The following SND1 variants were observed in gnomAD, a reference collection of about 807,000 sequenced individuals.
SND1 encodes the protein staphylococcal nuclease and tudor domain containing 1.
Under a neutral mutation model 121.7 loss-of-function variants are expected in SND1, and 38 were observed. The ratio of observed to expected loss-of-function variants is 0.31; its 90% confidence interval spans 0.24 to 0.41. SND1 has a LOEUF of 0.41. SND1 is among the 10% of genes least tolerant of loss of function. SND1 has a pLI of 1.00. For missense variants in SND1, 868 were observed against 1,184.6 expected (o/e 0.73, Z 3.92); for synonymous variants, 401 against 447.4 (o/e 0.90, Z 1.31).
chr7:127,896,205 A>G (rs1008817877), intron 13 of SND1, among the ~76,000 whole-genome samples: 1 of 151,880 alleles, frequency 6.6e-6, no homozygotes, highest in Non-Finnish European at 1.5e-5. Context: ...AGCTATGACC[A>G]CTTATCTGTC....
chr7:127,798,498 A>G (rs1394151567), intron 10 of SND1, among the ~76,000 whole-genome samples: 3 of 152,200 alleles, frequency 2.0e-5, no homozygotes, highest in African/African-American at 7.2e-5. Context: ...TGTCACTGTT[A>G]CTACAATGTT....
chr7:127,864,215 C>A (rs900980440), intron 12 of SND1, among the ~76,000 whole-genome samples: 2 of 116,214 alleles, frequency 1.7e-5, no homozygotes, highest in Non-Finnish European at 1.6e-5. Flanking sequence ...TCTTTATATG[C>A]AAGCATGTTT....
chr7:127,680,203 C>T (rs1795693466), intron 1 of SND1, among the ~76,000 whole-genome samples: 1 of 152,042 alleles, frequency 6.6e-6, no homozygotes, highest in Admixed American at 6.6e-5. Flanking sequence ...ACGTACTTCA[C>T]AAGGTAATAG....
chr7:127,746,373 C>G (rs1183852809), intron 10 of SND1, among the ~76,000 whole-genome samples: 1 of 152,170 alleles, frequency 6.6e-6, no homozygotes, highest in African/African-American at 2.4e-5. Flanking sequence ...CCCGCTACAC[C>G]AGCATTTTCA....
At chr7:127,661,936 CA>C (rs1296101273) in intron 1 of SND1, among the ~76,000 whole-genome samples, 1 of 151,778 alleles carries the variant, frequency 6.6e-6, no homozygotes, top group African/African-American at 2.4e-5. Context: ...GCCAACATGG[CA>C]AAACCCCATC....
chr7:127,734,250 G>A (rs1008338198), intron 10 of SND1, among the ~76,000 whole-genome samples: 2 of 152,108 alleles, frequency 1.3e-5, no homozygotes, highest in African/African-American at 2.4e-5. Context: ...GAGGATTCCA[G>A]TGAAAGGAGA....
Position 127,721,303 on chromosome 7 carries a change from A to T in SND1, c.1055A>T (p.Asn352Ile). The change falls in exon 10 of 24, where the codon AAT (asparagine) becomes ATT (isoleucine). Residue 352 changes from asparagine to isoleucine, a missense_variant. By Grantham distance (149) the Asn-to-Ile change is moderately radical. This residue lies in a region of SND1 where 743 missense variants were observed against 1,071.3 expected (regional missense o/e 0.69). Transcript: ENST00000354725. ...TGCTCACAGGTGATGCAGGTTCTGAATGCTGATGCCATTGTTGTGAAGCTG... is the reference window on the plus strand; with the variant it reads ...TGCTCACAGGTGATGCAGGTTCTGATTGCTGATGCCATTGTTGTGAAGCTG... ...QFVAKVMQVL[N>I]ADAIVVKLNS... 2 of 1,613,620 alleles carry T rather than the reference A, an allele frequency of 1.2e-6. No individual in the cohort carries two copies. Among genetic ancestry groups the T allele is most frequent in the Non-Finnish European group, 1.7e-6 (2 of 1,179,686 alleles).
At position 127,853,213 on chromosome 7, in the gene SND1, G is replaced by C. The variant is rs77299768; in HGVS notation, c.1343+8789G>C. ...ATTTTCCAGGATTATTTTGCAAGTGGGGGCTCGGGGTTGACTGGGATGTGC... is the reference window on the plus strand; with the variant it reads ...ATTTTCCAGGATTATTTTGCAAGTGCGGGCTCGGGGTTGACTGGGATGTGC... On this transcript the variant is annotated intron_variant, in intron 12 of 23. Transcript: ENST00000354725. Among the ~76,000 whole-genome samples, 3 of 152,262 alleles carry C rather than the reference G, an allele frequency of 2.0e-5. No individual in the cohort carries two copies. In the East Asian group the frequency reaches 5.8e-4, roughly 29 times the overall value.
At chr7:127,814,954 C>T (rs932821658) in intron 11 of SND1, among the ~76,000 whole-genome samples, 2 of 152,120 alleles carry the variant, frequency 1.3e-5, no homozygotes, top group African/African-American at 4.8e-5. Context: ...AAATGAGCCC[C>T]TTGTTTTAAT....
At chr7:128,030,417 G>A in intron 16 of SND1, 1 of 1,613,858 alleles carries the variant, frequency 6.2e-7, no homozygotes, top group Non-Finnish European at 8.5e-7. Context: ...CCGGGTGTTC[G>A]AGGGAATACC....
intron 2 of SND1, among the ~76,000 whole-genome samples, chr7:127,692,008 G>C (rs1795926913): frequency 6.6e-6 from 1 of 152,148 alleles, no homozygotes. Context: ...CATTGGAGCT[G>C]TTGAGGACTG....
chr7:127,738,286 C>CTTTTTTTTTTTTT (rs889082580), intron 10 of SND1, among the ~76,000 whole-genome samples: 1 of 122,658 alleles, frequency 8.2e-6, no homozygotes, highest in African/African-American at 3.1e-5. Context: ...TTTTTTTTTT[C>CTTTTTTTTTTTTT]TTTTTTTTTT....
At chr7:127,652,627 C>A (rs1795142115) in intron 1 of SND1, among the ~76,000 whole-genome samples, 176 bp downstream of exon 1, 1 of 152,208 alleles carries the variant, frequency 6.6e-6, no homozygotes, top group South Asian at 2.1e-4. Flanking sequence ...ACGGAGTCCC[C>A]TTGTTCCTTG....
rs1194829056 is a variant in SND1, at chr7:127,904,929, G to C, written c.1527+110G>C. 4.2e-6 allele frequency: 3 copies of C among 709,084 alleles called. No individual in the cohort carries two copies. The East Asian group carries it at 7.8e-5, about 18-fold the overall frequency. 43.9% of individuals were successfully genotyped at this position (709,084 alleles called of 1,614,324 possible). On this transcript the variant is annotated intron_variant, in intron 14 of 23. Transcript: ENST00000354725. ...ATTTTCTCTAGCTCGCTCCTTTTCAGGCACTGACTGTGACTTTTCCCCACC... is the reference window on the plus strand; with the variant it reads ...ATTTTCTCTAGCTCGCTCCTTTTCACGCACTGACTGTGACTTTTCCCCACC...
rs935382883 is a variant in SND1, at chr7:127,844,443, A to G, written c.1343+19A>G. The G allele has an allele frequency of 1.0e-5, 16 of 1,590,804 alleles. No homozygotes were observed. The highest frequency in any genetic ancestry group is 1.4e-5 in the Non-Finnish European group (16 of 1,161,316). On this transcript the variant is annotated intron_variant, in intron 12 of 23. Transcript: ENST00000354725. Reference sequence around the variant, plus strand: ...GAGGAATGTGAGTGTTCTGGCTGGCATGGACTCAGCTGTCATCTCAAGTAG... The same window carrying G: ...GAGGAATGTGAGTGTTCTGGCTGGCGTGGACTCAGCTGTCATCTCAAGTAG...
intron 16 of SND1, among the ~76,000 whole-genome samples, chr7:128,047,617 T>A (rs867193926): frequency 6.6e-6 from 1 of 152,218 alleles, no homozygotes; most frequent in Non-Finnish European, 1.5e-5. Context: ...TGCTCCTCTT[T>A]TGTGAAAGAG....
chr7:127,938,107 T>G (rs187362359), intron 15 of SND1, among the ~76,000 whole-genome samples: 42 of 152,352 alleles, frequency 2.8e-4, no homozygotes, highest in African/African-American at 9.9e-4. Flanking sequence ...TTGGGTCCCA[T>G]TACTAGAAAT....
chr7:127,766,771 CAAAAAAAAAAAAA>C (rs59243807), intron 10 of SND1, among the ~76,000 whole-genome samples: 34 of 33,214 alleles, frequency 1.0e-3, no homozygotes, highest in East Asian at 6.3e-3. Context: ...GACTTTGTCT[CAAAAAAAAAAAAA>C]AAAAAAAAAA....
At chr7:127,675,396 C>CTTCTT (rs1795598219) in intron 1 of SND1, among the ~76,000 whole-genome samples, 1 of 152,206 alleles carries the variant, frequency 6.6e-6, no homozygotes, top group Admixed American at 6.5e-5. Context: ...TTGCTGTATA[C>CTTCTT]GTTTAGATGC....
Sources: gnomAD v4.1 joint callset for allele counts (sites outside exome capture counted in the v4.1 genomes callset) on GRCh38, gnomAD v4.1.1 for gene constraint, gnomAD v4.1.1 regional missense constraint, MANE v1.5 for transcripts, NCBI Gene and HGNC (gene_info 2026-07-23, HGNC 2026-07-21) for gene names.